Variants in UBE2E2 observed in about 807,000 individuals in gnomAD.
UBE2E2 encodes the protein ubiquitin-conjugating enzyme E2 E2.
In UBE2E2, 6 loss-of-function variants were observed where a neutral mutation model predicts 24.7. The observed-to-expected ratio is 0.24, with a 90% CI of 0.13 to 0.48. The LOEUF is 0.48. Among genes scored for constraint, UBE2E2 ranks in the 20% least tolerant of loss-of-function variants. The pLI is 0.99. For missense variants in UBE2E2, 169 were observed against 245.0 expected, an observed-to-expected ratio of 0.69 and a Z score of 2.07; for synonymous variants, 104 against 83.6, an observed-to-expected ratio of 1.24 and a Z score of -1.33.
At chr3:23,486,497 A>G (rs1347344145) in intron 3 of UBE2E2, among the ~76,000 whole-genome samples, 2 of 152,136 alleles carry the variant, frequency 1.3e-5, no homozygotes, top group African/African-American at 4.8e-5. Context: ...TCTCGGGGTC[A>G]TGTTTCAGCT....
intron 5 of UBE2E2, among the ~76,000 whole-genome samples, chr3:23,582,228 A>G (rs1002861567): frequency 3.3e-5 from 5 of 152,102 alleles, no homozygotes; most frequent in Admixed American, 1.3e-4. Flanking sequence ...AAAGGACATG[A>G]TCTCATTCTT....
chr3:23,357,326 A>G (rs762665102), intron 3 of UBE2E2, among the ~76,000 whole-genome samples: 2 of 152,138 alleles, frequency 1.3e-5, no homozygotes, highest in East Asian at 1.9e-4. Flanking sequence ...CCATTGTCTA[A>G]TAACCTTTAA....
chr3:23,268,440 C>T (rs1163211067), intron 3 of UBE2E2, among the ~76,000 whole-genome samples: 1 of 151,990 alleles, frequency 6.6e-6, no homozygotes, highest in Non-Finnish European at 1.5e-5. Context: ...CATGAGTGAA[C>T]TCCCATTCAC....
chr3:23,224,155 G>GC (rs1488736163), intron 3 of UBE2E2, among the ~76,000 whole-genome samples: 1 of 94,782 alleles, frequency 1.1e-5, no homozygotes, highest in African/African-American at 3.6e-5. Context: ...GTAAATTTTA[G>GC]GTTTTTTTTT....
chr3:23,555,719 A>G (rs116065658), intron 5 of UBE2E2, among the ~76,000 whole-genome samples: 404 of 152,302 alleles, frequency 2.7e-3, no homozygotes, highest in African/African-American at 7.3e-3. Context: ...TAAAAAGGAG[A>G]TCCTGCCATT....
At chr3:23,365,574 C>T (rs1028087224) in intron 3 of UBE2E2, among the ~76,000 whole-genome samples, 3 of 152,024 alleles carry the variant, frequency 2.0e-5, no homozygotes, top group Admixed American at 6.5e-5. Flanking sequence ...GGTGAAAGAT[C>T]TCTAAATGAG....
At chr3:23,388,241 G>A (rs981232190) in intron 3 of UBE2E2, among the ~76,000 whole-genome samples, 2 of 152,194 alleles carry the variant, frequency 1.3e-5, no homozygotes, top group African/African-American at 2.4e-5. Flanking sequence ...ATATTTGCCT[G>A]CTTCTATAAT....
chr3:23,295,446 C>T (rs1698883583), intron 3 of UBE2E2, among the ~76,000 whole-genome samples: 1 of 152,074 alleles, frequency 6.6e-6, no homozygotes, highest in South Asian at 2.1e-4. Flanking sequence ...AATGAATGGT[C>T]CAGGTGGGTA....
chr3:23,518,100 T>G (rs1694783971), intron 4 of UBE2E2, among the ~76,000 whole-genome samples: 1 of 152,210 alleles, frequency 6.6e-6, no homozygotes, highest in African/African-American at 2.4e-5. Context: ...CCCATTTTTT[T>G]TAGGGCAGTA....
intron 3 of UBE2E2, among the ~76,000 whole-genome samples, chr3:23,483,362 A>T (rs572001205): frequency 6.6e-6 from 1 of 152,196 alleles, no homozygotes; most frequent in Non-Finnish European, 1.5e-5. Context: ...TAAAGAACCT[A>T]CTCTTTGCCA....
At chr3:23,370,697 A>T (rs114612794) in intron 3 of UBE2E2, among the ~76,000 whole-genome samples, 2,198 of 152,284 alleles carry the variant, frequency 0.014, 49 homozygotes, top group African/African-American at 0.05. Context: ...AAGGAGATGG[A>T]GGAGATCATA....
intron 3 of UBE2E2, among the ~76,000 whole-genome samples, chr3:23,367,324 C>T (rs899301202): frequency 1.4e-4 from 21 of 152,068 alleles, no homozygotes; most frequent in Admixed American, 6.6e-5. Context: ...CTGGCAGCAT[C>T]TAGGTAGCTT....
At chr3:23,529,461 T>G (rs1052360713) in intron 4 of UBE2E2, among the ~76,000 whole-genome samples, 1 of 152,170 alleles carries the variant, frequency 6.6e-6, no homozygotes, top group Non-Finnish European at 1.5e-5. Flanking sequence ...AATTATAAAT[T>G]TTTAACGAAA....
intron 3 of UBE2E2, among the ~76,000 whole-genome samples, chr3:23,234,599 G>T (rs1380439729): frequency 6.6e-6 from 1 of 152,162 alleles, no homozygotes; most frequent in African/African-American, 2.4e-5. Context: ...GACTTTATAA[G>T]TTAGATACAG....
At chr3:23,398,238 G>A (rs1459498592) in intron 3 of UBE2E2, among the ~76,000 whole-genome samples, 2 of 149,398 alleles carry the variant, frequency 1.3e-5, no homozygotes, top group Non-Finnish European at 1.5e-5. Context: ...ACTTGAACCT[G>A]GGAGGCAGAG....
At chr3:23,427,100 A>T (rs1201422820) in intron 3 of UBE2E2, among the ~76,000 whole-genome samples, 1 of 151,850 alleles carries the variant, frequency 6.6e-6, no homozygotes, top group East Asian at 1.9e-4. Context: ...TATTTTGCAA[A>T]CCCTAGGAGA....
At chr3:23,541,991 C>T (rs1027539195) in intron 5 of UBE2E2, among the ~76,000 whole-genome samples, 3 of 152,146 alleles carry the variant, frequency 2.0e-5, no homozygotes, top group African/African-American at 7.2e-5. Flanking sequence ...ATAAGGGAAA[C>T]TAGGAAGAGT....
At chr3:23,460,740 CAAGGCAGGAGGAATTGA>C (rs1360533193) in intron 3 of UBE2E2, among the ~76,000 whole-genome samples, 6 of 151,906 alleles carry the variant, frequency 3.9e-5, no homozygotes, top group Non-Finnish European at 8.8e-5. Context: ...TTGGGCATGC[CAAGGCAGGAGGAATTGA>C]AAGTGGTGAA....
intron 3 of UBE2E2, among the ~76,000 whole-genome samples, chr3:23,383,393 T>G (rs961920645): frequency 6.6e-6 from 1 of 152,126 alleles, no homozygotes; most frequent in Non-Finnish European, 1.5e-5. Context: ...TGATTAAATT[T>G]AGAGAAGTAG....
Sources: gnomAD v4.1 joint callset for allele counts (sites outside exome capture counted in the v4.1 genomes callset) on GRCh38, gnomAD v4.1.1 for gene constraint, MANE v1.5 for transcripts, NCBI Gene and HGNC (gene_info 2026-07-23, HGNC 2026-07-21) for gene names.